The following MOB1B variants were observed in gnomAD, a reference collection of about 807,000 sequenced individuals.
MOB1B encodes the protein MOB1 Mps One Binder homolog B.
In MOB1B, 19 loss-of-function variants were observed where a neutral mutation model predicts 24.4. The ratio of observed to expected loss-of-function variants is 0.78; its 90% confidence interval spans 0.54 to 1.14. The LOEUF (loss-of-function observed/expected upper bound fraction) is 1.14, where lower values mean the gene tolerates loss of function less well. Among genes scored for constraint, MOB1B ranks in the 50% most tolerant of loss-of-function variants. The pLI is 0.00. For missense variants in MOB1B, 243 were observed against 259.6 expected, an observed-to-expected ratio of 0.94 and a Z score of 0.44; for synonymous variants, 76 against 82.1, an observed-to-expected ratio of 0.93 and a Z score of 0.40.
intron 3 of MOB1B, 95 bp downstream of exon 3, chr4:70,970,119 T>C (rs975774268): frequency 2.9e-6 from 2 of 696,562 alleles, no homozygotes; most frequent in Non-Finnish European, 4.8e-6. Flanking sequence ...TTTCTACTTA[T>C]CGTCTCTTTC....
At chr4:70,967,695 CA>C (rs1231329504) in intron 2 of MOB1B, among the ~76,000 whole-genome samples, 1 of 148,242 alleles carries the variant, frequency 6.7e-6, no homozygotes, top group Non-Finnish European at 1.5e-5. Context: ...AAATAGAGGC[CA>C]AAAAAAGAAA....
At chr4:70,925,391 C>G (rs1736607779) in intron 1 of MOB1B, among the ~76,000 whole-genome samples, 1 of 152,040 alleles carries the variant, frequency 6.6e-6, no homozygotes, top group Admixed American at 6.6e-5. Flanking sequence ...AAGGTGTTGT[C>G]TAGGGATAAC....
At chr4:70,976,294 T>A in intron 4 of MOB1B, 1 of 984,938 alleles carries the variant, frequency 1.0e-6, no homozygotes, top group Non-Finnish European at 1.2e-6. Context: ...TTGTATCTAC[T>A]TATTTAGGGA....
At chr4:70,981,406 T>G (rs1453911575) in intron 5 of MOB1B, among the ~76,000 whole-genome samples, 1 of 152,204 alleles carries the variant, frequency 6.6e-6, no homozygotes, top group Non-Finnish European at 1.5e-5. Flanking sequence ...CGGGTGGAAT[T>G]TCTAAAGGAG....
At chr4:70,977,924 A>G (rs1026556294) in intron 4 of MOB1B, among the ~76,000 whole-genome samples, 3 of 152,190 alleles carry the variant, frequency 2.0e-5, no homozygotes, top group Non-Finnish European at 4.4e-5. Flanking sequence ...TCCTGGCTCA[A>G]GTGATACTCC....
At position 70,987,908 on chromosome 4, in the gene MOB1B, G is replaced by A. The variant is rs1560674302; in HGVS notation, c.*5851G>A. 6.6e-6 allele frequency: 1 copy of A among 152,518 alleles called. No homozygotes were observed. Among genetic ancestry groups the A allele is most frequent in the African/African-American group, 2.4e-5 (1 of 41,422 alleles). The allele number at this position is 152,518 out of a possible 1,614,324, so 9.4% of individuals were successfully genotyped here. On this transcript the variant is annotated 3_prime_UTR_variant, in exon 6 of 6. Transcript: ENST00000309395. ...CATCTAAGTTATGAAATCCAACATA[G>A]GCGCTATATTACAAACTGTGCCGGA...
intron 1 of MOB1B, among the ~76,000 whole-genome samples, chr4:70,917,845 A>G (rs1736253822): frequency 6.6e-6 from 1 of 152,246 alleles, no homozygotes; most frequent in African/African-American, 2.4e-5. Context: ...GGGATCAAGC[A>G]TTGATGATAA....
intron 1 of MOB1B, among the ~76,000 whole-genome samples, chr4:70,918,197 G>T (rs12509920): frequency 5.9e-5 from 9 of 151,946 alleles, no homozygotes; most frequent in Non-Finnish European, 1.3e-4. Context: ...CCAGGCATTA[G>T]AAAAGACAAT....
At chr4:70,901,977 G>C (rs1405607696), upstream of MOB1B, among the ~76,000 whole-genome samples, 1 of 152,108 alleles carries the variant, frequency 6.6e-6, no homozygotes, top group Non-Finnish European at 1.5e-5. Context: ...GGACACTCAC[G>C]GTGGGCCTAA....
At chr4:70,919,065 A>G (rs1736314455) in intron 1 of MOB1B, among the ~76,000 whole-genome samples, 1 of 151,728 alleles carries the variant, frequency 6.6e-6, no homozygotes, top group Non-Finnish European at 1.5e-5. Context: ...AGAACAAAAA[A>G]CCAAACACTG....
chr4:70,941,531 C>T (rs992937382), intron 1 of MOB1B, among the ~76,000 whole-genome samples: 1 of 151,902 alleles, frequency 6.6e-6, no homozygotes, highest in African/African-American at 2.4e-5. Flanking sequence ...TTGGTAGAGA[C>T]GGGGTTTCAC....
chr4:70,958,923 G>A lies in MOB1B; in HGVS notation c.64G>A (p.Gly22Ser). The A allele has an allele frequency of 6.2e-7, 1 of 1,613,980 alleles. No individual in the cohort carries two copies. Among genetic ancestry groups the A allele is most frequent in the East Asian group, 2.2e-5 (1 of 44,868 alleles). The change falls in exon 2 of 6, where the codon GGT becomes AGT. Residue 22 changes from glycine (G) to serine (S), a missense_variant. Gly to Ser is a moderately conservative substitution (Grantham distance 56). Coordinates refer to ENST00000309395, the MANE Select transcript of MOB1B (RefSeq NM_173468.4). ...TAAACCAAAGAAGAACATTCCAGAG[G>A]GTTCTCACCAGTATGAGCTCTTAAA... ...TFKPKKNIPE[G>S]SHQYELLKHA...
At chr4:70,976,766 ATATATATATCTCTCTC>A (rs1188740988) in intron 4 of MOB1B, 1 of 215,520 alleles carries the variant, frequency 4.6e-6, no homozygotes, top group African/African-American at 2.7e-5. Flanking sequence ...ATATATATAT[ATATATATATCTCTCTC>A]TCTCAATCAT....
intron 1 of MOB1B, among the ~76,000 whole-genome samples, chr4:70,928,160 C>CGT (rs1375977490): frequency 1.3e-5 from 2 of 152,166 alleles, no homozygotes; most frequent in Non-Finnish European, 2.9e-5. Flanking sequence ...CATTGTACTC[C>CGT]ACCCACTGTC....
At chr4:70,910,465 A>G (rs951681267) in intron 1 of MOB1B, among the ~76,000 whole-genome samples, 5 of 151,590 alleles carry the variant, frequency 3.3e-5, no homozygotes, top group African/African-American at 1.2e-4. Context: ...GTGTATGTAT[A>G]TCTATATATA....
intron 2 of MOB1B, among the ~76,000 whole-genome samples, chr4:70,967,043 GA>G (rs984928139): frequency 9.2e-5 from 14 of 151,860 alleles, no homozygotes; most frequent in African/African-American, 3.4e-4. Context: ...CCTATTTGCA[GA>G]ATAGCTATAA....
At chr4:70,922,014 T>C (rs527442020) in intron 1 of MOB1B, among the ~76,000 whole-genome samples, 10 of 152,228 alleles carry the variant, frequency 6.6e-5, no homozygotes, top group Admixed American at 6.5e-4. Flanking sequence ...TAATTTGAAC[T>C]GACTTTTAGA....
At chr4:70,950,243 C>T (rs1197443427) in intron 1 of MOB1B, among the ~76,000 whole-genome samples, 1 of 151,808 alleles carries the variant, frequency 6.6e-6, no homozygotes, top group Non-Finnish European at 1.5e-5. Flanking sequence ...CGAGACCAGC[C>T]TGGCCAACAT....
intron 5 of MOB1B, among the ~76,000 whole-genome samples, chr4:70,981,530 T>TA (rs771350589): frequency 2.6e-5 from 4 of 152,260 alleles, no homozygotes; most frequent in Non-Finnish European, 5.9e-5. Flanking sequence ...AGCTTGCAGA[T>TA]ACGTTAGTTT....
Sources: allele counts gnomAD v4.1 joint callset (sites outside exome capture counted in the v4.1 genomes callset), GRCh38; gene constraint gnomAD v4.1.1; transcripts MANE v1.5; gene names NCBI Gene and HGNC (gene_info 2026-07-23, HGNC 2026-07-21).